Variants in ATG5 observed in about 807,000 individuals in gnomAD.
ATG5 encodes the protein autophagy protein 5.
ATG5 carries 14 observed loss-of-function variants against 36.5 expected under a neutral mutation model. The ratio of observed to expected loss-of-function variants is 0.38; its 90% CI spans 0.25 to 0.60. The LOEUF (loss-of-function observed/expected upper bound fraction) is 0.60. ATG5 is among the 20% of genes least tolerant of loss of function. ATG5 has a pLI of 0.60. For missense variants in ATG5, 195 were observed against 326.7 expected, an observed-to-expected ratio of 0.60 and a Z score of 3.11; for synonymous variants, 95 against 101.5, an observed-to-expected ratio of 0.94 and a Z score of 0.38.
intron 6 of ATG5, among the ~76,000 whole-genome samples, chr6:106,209,838 T>A (rs911450943): frequency 6.6e-6 from 1 of 152,230 alleles, no homozygotes; most frequent in African/African-American, 2.4e-5. Context: ...TCTGTAATTA[T>A]CTCAAAATAA....
intron 3 of ATG5, among the ~76,000 whole-genome samples, chr6:106,301,698 C>T (rs537194214): frequency 8.9e-4 from 136 of 152,060 alleles, no homozygotes; most frequent in African/African-American, 3.1e-3. Context: ...TGAAGCATTT[C>T]GCATTTCAGA....
Position 106,249,006 on chromosome 6 carries a change from A to T in ATG5, c.479-762T>A, listed in dbSNP as rs566713381. 1.8e-3 allele frequency among the ~76,000 whole-genome samples: 276 copies of T among 152,306 alleles called. 2 individuals carry two copies. Among genetic ancestry groups the T allele is most frequent in the African/African-American group, 5.9e-3 (245 of 41,582 alleles). On this transcript the variant is annotated intron_variant, in intron 5 of 7. Coordinates refer to ENST00000369076, the MANE Select transcript of ATG5 (RefSeq NM_004849.4). ...AACATTAAATACCAAAGATTTTTTT[A>T]AAAAAGCTTTGAAAGAAACATGGAA...
intron 6 of ATG5, among the ~76,000 whole-genome samples, chr6:106,224,561 C>G (rs1184387365): frequency 6.6e-6 from 1 of 152,126 alleles, no homozygotes; most frequent in Non-Finnish European, 1.5e-5. Context: ...GTTAGAACCT[C>G]ACAGAGAAGA....
chr6:106,198,476 C>G (rs1776289711), intron 7 of ATG5, among the ~76,000 whole-genome samples: 1 of 152,036 alleles, frequency 6.6e-6, no homozygotes, highest in South Asian at 2.1e-4. Context: ...TTTTATCCTT[C>G]AAAAGAAAAT....
intron 7 of ATG5, among the ~76,000 whole-genome samples, chr6:106,191,467 G>A (rs895517182): frequency 9.2e-5 from 14 of 152,034 alleles, no homozygotes; most frequent in African/African-American, 2.7e-4. Context: ...GGTCTTTTAC[G>A]TCTAAACAGC....
At chr6:106,293,918 T>A (rs1237493551) in intron 3 of ATG5, among the ~76,000 whole-genome samples, 7 of 151,994 alleles carry the variant, frequency 4.6e-5, no homozygotes, top group African/African-American at 1.7e-4. Flanking sequence ...ACAGGTTGAG[T>A]ATCCCATTTC....
intron 6 of ATG5, among the ~76,000 whole-genome samples, chr6:106,229,652 A>C (rs1777598488): frequency 6.6e-6 from 1 of 152,070 alleles, no homozygotes; most frequent in Non-Finnish European, 1.5e-5. Context: ...ACCCTATAAC[A>C]CTCCAATACT....
chr6:106,267,260 G>C (rs571190641), intron 5 of ATG5, among the ~76,000 whole-genome samples: 11 of 152,214 alleles, frequency 7.2e-5, no homozygotes, highest in African/African-American at 2.6e-4. Context: ...CAAAGACAAT[G>C]AAATACCTAG....
At chr6:106,320,581 C>T (rs1320639306) in intron 1 of ATG5, among the ~76,000 whole-genome samples, 1 of 150,416 alleles carries the variant, frequency 6.6e-6, no homozygotes, top group African/African-American at 2.5e-5. Context: ...AATTTCCTTA[C>T]TTGTGAAGTG....
At chr6:106,273,202 C>T (rs1422182473) in intron 5 of ATG5, among the ~76,000 whole-genome samples, 1 of 152,190 alleles carries the variant, frequency 6.6e-6, no homozygotes, top group East Asian at 1.9e-4. Flanking sequence ...CCTGCAACTA[C>T]AACAGAACCT....
intron 3 of ATG5, among the ~76,000 whole-genome samples, chr6:106,297,661 T>A (rs1342196924): frequency 6.6e-6 from 1 of 151,776 alleles, no homozygotes; most frequent in African/African-American, 2.4e-5. Flanking sequence ...TCTAATAAAG[T>A]TGTTATACAC....
rs556186816 is a variant in ATG5, at chr6:106,201,628, A to AT, written c.691+343dup. On this transcript the variant is annotated intron_variant, in intron 7 of 7. Transcript: ENST00000369076. ...TTCAAATATCAAAAATGAGAAAATT[A>AT]TTTTTACCATTTCTGACTTCTTTAA... The AT allele has an allele frequency of 1.3e-3, 203 of 155,120 alleles. 2 individuals are homozygous for AT. The highest frequency in any genetic ancestry group is 6.4e-4 in the Non-Finnish European group (45 of 70,016). 9.6% of individuals were successfully genotyped at this position (155,120 alleles called of 1,614,324 possible).
chr6:106,323,007 C>T (rs938995574), intron 1 of ATG5, among the ~76,000 whole-genome samples: 3 of 152,154 alleles, frequency 2.0e-5, no homozygotes, highest in Non-Finnish European at 4.4e-5. Flanking sequence ...GCAAGCTCTG[C>T]CTCCCGGGTT....
chr6:106,308,309 C>G, intron 3 of ATG5, 55 bp downstream of exon 3: 5 of 1,417,624 alleles, frequency 3.5e-6, no homozygotes, highest in Non-Finnish European at 4.6e-6. Context: ...GGGCACTATA[C>G]CTTTTTAAAG....
chr6:106,320,143 T>G (rs568491046), intron 1 of ATG5, among the ~76,000 whole-genome samples: 93 of 152,346 alleles, frequency 6.1e-4, no homozygotes, highest in African/African-American at 2.2e-3. Flanking sequence ...AGAAGCCACA[T>G]CCTAACTCAG....
intron 3 of ATG5, among the ~76,000 whole-genome samples, chr6:106,303,180 T>A (rs1770285340): frequency 1.3e-5 from 2 of 151,920 alleles, no homozygotes; most frequent in Admixed American, 1.3e-4. Flanking sequence ...CAACACTGGC[T>A]CTTCAAAAAA....
At chr6:106,265,179 A>G (rs1216284986) in intron 5 of ATG5, among the ~76,000 whole-genome samples, 4 of 151,232 alleles carry the variant, frequency 2.6e-5, no homozygotes, top group African/African-American at 4.8e-5. Flanking sequence ...AAAAAAAAAA[A>G]AAAAAAAAGC....
At chr6:106,243,904 C>CTT (rs35701133) in intron 6 of ATG5, among the ~76,000 whole-genome samples, 595 of 54,926 alleles carry the variant, frequency 0.011, 21 homozygotes, top group African/African-American at 0.035. Context: ...AGGAACCATC[C>CTT]TTTTTTTTTT....
At chr6:106,280,319 T>C (rs1312197877) in intron 4 of ATG5, among the ~76,000 whole-genome samples, 1 of 150,710 alleles carries the variant, frequency 6.6e-6, no homozygotes, top group African/African-American at 2.4e-5. Context: ...ATTATGTCCA[T>C]ATGTCCATTT....
Sources: gnomAD v4.1 joint callset for allele counts (sites outside exome capture counted in the v4.1 genomes callset) on GRCh38, gnomAD v4.1.1 for gene constraint, MANE v1.5 for transcripts, NCBI Gene and HGNC (gene_info 2026-07-23, HGNC 2026-07-21) for gene names.